PDE12: variants seen among roughly 807,000 people sequenced by gnomAD.
PDE12 encodes phosphodiesterase 12.
A neutral mutation model predicts 45.4 loss-of-function variants in PDE12; 26 were observed. That is an observed-to-expected ratio of 0.57 (90% CI 0.42 to 0.79). The LOEUF (loss-of-function observed/expected upper bound fraction) is 0.79. Among genes scored for constraint, PDE12 ranks in the 30% least tolerant of loss-of-function variants. The probability of loss-of-function intolerance (pLI) is 0.00; values close to 1 mark genes in which losing one functional copy is unlikely to be tolerated. For missense variants in PDE12, 668 were observed against 790.0 expected (o/e 0.85, Z 1.85); for synonymous variants, 283 against 323.9 (o/e 0.87, Z 1.36).
chr3:57,627,127 T>A, the PDE12 span: 3 of 152,124 alleles, frequency 2.0e-5, no homozygotes, highest in African/African-American at 7.2e-5. Flanking sequence ...TTAATAATAT[T>A]TAAATTAGTA....
At chr3:57,651,739 G>A in the PDE12 span, among the ~76,000 whole-genome samples, 1 of 150,218 alleles carries the variant, frequency 6.7e-6, no homozygotes. Context: ...AAGCAAGACA[G>A]TGTTCAAAGA....
At chr3:57,612,192 G>A in the PDE12 span, among the ~76,000 whole-genome samples, 1 of 141,224 alleles carries the variant, frequency 7.1e-6, no homozygotes, top group South Asian at 2.2e-4. Context: ...ATTGAACAAT[G>A]AGAACATTTG....
chr3:57,628,782 T>C, the PDE12 span: 1 of 1,600,392 alleles, frequency 6.2e-7, no homozygotes, highest in Non-Finnish European at 8.5e-7. Flanking sequence ...GAAAAGTCAA[T>C]TTAATCTTTG....
chr3:57,588,201 CT>C, the PDE12 span, among the ~76,000 whole-genome samples: 1 of 152,184 alleles, frequency 6.6e-6, no homozygotes, highest in East Asian at 1.9e-4. Flanking sequence ...TAAAGATGTA[CT>C]GGAATACTTG....
At chr3:57,616,050 G>T in the PDE12 span, among the ~76,000 whole-genome samples, 1 of 152,114 alleles carries the variant, frequency 6.6e-6, no homozygotes, top group African/African-American at 2.4e-5. Flanking sequence ...CAGGCCAGGC[G>T]TGCTGCTCAT....
chr3:57,559,487 A>AT (rs2069703913), intron 2 of PDE12, 75 bp from the exon 3 acceptor site: 1 of 1,556,978 alleles, frequency 6.4e-7, no homozygotes, highest in South Asian at 1.2e-5. Flanking sequence ...AGAGACTGTA[A>AT]TTTGTGTAGT....
rs887665615 is a variant in PDE12 at position 57,556,832 on chromosome 3, C to G, written c.453C>G (p.Gly151=). The G allele has an allele frequency of 6.2e-7, 1 of 1,613,764 alleles. No individual in the cohort carries two copies. Among genetic ancestry groups the G allele is most frequent in the African/African-American group, 1.3e-5 (1 of 74,928 alleles). Residue 151 remains glycine, a synonymous_variant, in exon 1 of 3, where the codon GGC becomes GGG. Coordinates refer to ENST00000311180, the MANE Select transcript of PDE12 (RefSeq NM_177966.7). The surrounding 1 kb of genome is among the most constrained non-coding windows in gnomAD (Gnocchi z 5.0). ...AAGACGGCGCGGTGCTGCAGATCGGCGATGTTAAGTACAAGGTGGAGCGCA... is the reference window on the plus strand; with the variant it reads ...AAGACGGCGCGGTGCTGCAGATCGGGGATGTTAAGTACAAGGTGGAGCGCA... ...AWQDGAVLQI[G]DVKYKVERNP...
chr3:57,655,207 G>A, the PDE12 span, among the ~76,000 whole-genome samples: 2 of 152,082 alleles, frequency 1.3e-5, no homozygotes, highest in Non-Finnish European at 2.9e-5. Flanking sequence ...GCTAGTTTTT[G>A]TATTTTTAGT....
chr3:57,647,394 G>A, the PDE12 span, among the ~76,000 whole-genome samples: 4 of 152,144 alleles, frequency 2.6e-5, no homozygotes, highest in Non-Finnish European at 5.9e-5. Flanking sequence ...AGGTATCTCT[G>A]CCATGAGGGA....
the PDE12 span, among the ~76,000 whole-genome samples, chr3:57,637,410 C>T: frequency 6.6e-6 from 1 of 152,192 alleles, no homozygotes; most frequent in African/African-American, 2.4e-5. Context: ...GCAAGGTTAA[C>T]ACTAAATATA....
At chr3:57,585,145 T>A in the PDE12 span, among the ~76,000 whole-genome samples, 1 of 152,144 alleles carries the variant, frequency 6.6e-6, no homozygotes, top group Non-Finnish European at 1.5e-5. Context: ...ATTACAAGCG[T>A]GAGCCACCGT....
chr3:57,587,576 G>A, the PDE12 span, among the ~76,000 whole-genome samples: 2 of 151,870 alleles, frequency 1.3e-5, no homozygotes, highest in African/African-American at 4.8e-5. Context: ...AAAAAAAATT[G>A]TCCAAGCAGA....
chr3:57,632,893 A>G, the PDE12 span, among the ~76,000 whole-genome samples: 1 of 152,250 alleles, frequency 6.6e-6, no homozygotes, highest in African/African-American at 2.4e-5. Context: ...TGTATTCAAG[A>G]TAAGTATCAG....
At chr3:57,606,444 T>A in the PDE12 span, among the ~76,000 whole-genome samples, 1 of 152,186 alleles carries the variant, frequency 6.6e-6, no homozygotes, top group Non-Finnish European at 1.5e-5. Flanking sequence ...GTTGAAAGAA[T>A]TCCTTGACAG....
At chr3:57,567,961 G>A (rs953658936), downstream of PDE12, among the ~76,000 whole-genome samples, 2 of 150,986 alleles carry the variant, frequency 1.3e-5, no homozygotes, top group African/African-American at 4.9e-5. Flanking sequence ...CCAGCTACTC[G>A]GGAGGCTGAG....
the PDE12 span, among the ~76,000 whole-genome samples, chr3:57,578,146 C>T: frequency 6.6e-5 from 10 of 152,014 alleles, no homozygotes; most frequent in Non-Finnish European, 1.3e-4. Flanking sequence ...TGGGATAGCG[C>T]GAGTGTGTAC....
chr3:57,591,568 G>A, the PDE12 span, among the ~76,000 whole-genome samples: 4 of 151,714 alleles, frequency 2.6e-5, no homozygotes, highest in Non-Finnish European at 4.4e-5. Context: ...CCGGGTTCAA[G>A]GGATTCTCGT....
chr3:57,573,530 G>A, the PDE12 span, among the ~76,000 whole-genome samples: 1 of 152,150 alleles, frequency 6.6e-6, no homozygotes, highest in Non-Finnish European at 1.5e-5. Context: ...TACCTTCACA[G>A]CATGGAAAAC....
At chr3:57,601,953 C>A in the PDE12 span, among the ~76,000 whole-genome samples, 1 of 150,828 alleles carries the variant, frequency 6.6e-6, no homozygotes, top group Non-Finnish European at 1.5e-5. Context: ...TGGGGTTTCA[C>A]TGTGTTGACC....
Sources: gnomAD v4.1 joint callset for allele counts (sites outside exome capture counted in the v4.1 genomes callset) on GRCh38, gnomAD v4.1.1 for gene constraint, Gnocchi (gnomAD v3.1) non-coding constraint, MANE v1.5 for transcripts, NCBI Gene and HGNC (gene_info 2026-07-23, HGNC 2026-07-21) for gene names.